RGS5: variants seen among roughly 807,000 people sequenced by gnomAD.
RGS5 encodes the protein regulator of G protein signaling 5, also known as regulator of G-protein signalling 5.
RGS5 carries 20 observed loss-of-function variants against 18.9 expected under a neutral mutation model. The ratio of observed to expected loss-of-function variants is 1.06; its 90% CI spans 0.74 to 1.54. RGS5 has a LOEUF of 1.54. Ranked by LOEUF, RGS5 falls within the 40% of genes most tolerant of loss-of-function variation. The pLI, the probability that RGS5 is intolerant of heterozygous loss-of-function variation, is 0.00. For missense variants in RGS5, 201 were observed against 211.8 expected, an observed-to-expected ratio of 0.95 and a Z score of 0.32; for synonymous variants, 57 against 76.2, an observed-to-expected ratio of 0.75 and a Z score of 1.31.
At chr1:163,150,882 T>A in intron 4 of RGS5, among the ~76,000 whole-genome samples, 1 of 152,178 alleles carries the variant, frequency 6.6e-6, no homozygotes, top group East Asian at 1.9e-4. Context: ...GTCTAGAGCA[T>A]CTGTGGTAGA....
At chr1:163,210,983 T>C (rs543415300) in intron 1 of RGS5, 3 of 152,336 alleles carry the variant, frequency 2.0e-5, no homozygotes, top group East Asian at 3.9e-4. Flanking sequence ...ATCTGGATTA[T>C]GCATATGGAA....
intron 2 of RGS5, chr1:163,238,973 A>AC (rs1647711576): frequency 4.6e-6 from 1 of 215,132 alleles, no homozygotes; most frequent in African/African-American, 2.3e-5. Context: ...TTGAAACTCT[A>AC]TCAAGACTTC....
chr1:163,213,508 A>C (rs902093641), intron 1 of RGS5, among the ~76,000 whole-genome samples: 1 of 152,166 alleles, frequency 6.6e-6, no homozygotes, highest in Non-Finnish European at 1.5e-5. Flanking sequence ...GGCAGCAAGC[A>C]TGGAGGCAAA....
At chr1:163,210,067 A>G (rs548284657) in intron 1 of RGS5, among the ~76,000 whole-genome samples, 1 of 151,746 alleles carries the variant, frequency 6.6e-6, no homozygotes. Context: ...TCAGCTCACT[A>G]TAACCTCTGC....
At chr1:163,275,927 A>G (rs1648840645) in intron 2 of RGS5, among the ~76,000 whole-genome samples, 1 of 152,140 alleles carries the variant, frequency 6.6e-6, no homozygotes, top group Non-Finnish European at 1.5e-5. Flanking sequence ...CAAATCCTCC[A>G]AATCAAGAAT....
chr1:163,260,335 T>C (rs1648395701), intron 2 of RGS5: 1 of 152,210 alleles, frequency 6.6e-6, no homozygotes, highest in Admixed American at 6.5e-5. Flanking sequence ...TTTGGCTTTC[T>C]TTAGAAAATG....
chr1:163,169,637 GT>G (rs1249372001), intron 1 of RGS5, among the ~76,000 whole-genome samples: 3 of 152,016 alleles, frequency 2.0e-5, no homozygotes, highest in African/African-American at 4.8e-5. Context: ...TTTTTCATGT[GT>G]TTTTTGGCTG....
At chr1:163,313,299 T>C (rs1213613193) in intron 1 of RGS5, among the ~76,000 whole-genome samples, 1 of 152,224 alleles carries the variant, frequency 6.6e-6, no homozygotes. Flanking sequence ...TAGTTAATAC[T>C]AACTCTAGGA....
At chr1:163,171,190 A>G (rs919044082) in intron 1 of RGS5, among the ~76,000 whole-genome samples, 1 of 152,198 alleles carries the variant, frequency 6.6e-6, no homozygotes, top group Non-Finnish European at 1.5e-5. Flanking sequence ...CTCTGGGGAC[A>G]AGAATTGCCA....
At chr1:163,242,334 C>T (rs1240625292) in intron 2 of RGS5, among the ~76,000 whole-genome samples, 1 of 152,242 alleles carries the variant, frequency 6.6e-6, no homozygotes, top group Non-Finnish European at 1.5e-5. Flanking sequence ...TGAATATTTG[C>T]TTCAAGTTAA....
intron 1 of RGS5, among the ~76,000 whole-genome samples, chr1:163,307,124 G>A (rs962257951): frequency 2.0e-5 from 3 of 152,110 alleles, no homozygotes; most frequent in African/African-American, 7.2e-5. Flanking sequence ...TGAAACAGAG[G>A]GAAGACCTAC....
chr1:163,147,279 G>A lies in RGS5; in HGVS notation c.*63C>T. 6.8e-7 allele frequency: 1 copy of A among 1,480,402 alleles called. No homozygotes were observed. Among genetic ancestry groups the A allele is most frequent in the Middle Eastern group, 1.8e-4 (1 of 5,548 alleles). The allele number at this position is 1,480,402 out of a possible 1,614,324, so 91.7% of individuals were successfully genotyped here. A position where few individuals can be genotyped will look rare whatever the true frequency, so the allele number is the denominator to read the frequency against. ...CTGTGGGAAGATATGTAGATTAATG[G>A]GAAATGCAGGGTTATTATGGAGGAA... On this transcript the variant is annotated 3_prime_UTR_variant, in exon 5 of 5. Transcript: ENST00000313961.
At chr1:163,234,227 CCTCT>C (rs1240320425) in intron 2 of RGS5, among the ~76,000 whole-genome samples, 2 of 151,974 alleles carry the variant, frequency 1.3e-5, no homozygotes, top group African/African-American at 2.4e-5. Flanking sequence ...AGATAAAATT[CCTCT>C]CTATTTCTAT....
intron 1 of RGS5, among the ~76,000 whole-genome samples, chr1:163,315,599 A>G (rs774698108): frequency 1.3e-5 from 2 of 152,214 alleles, no homozygotes; most frequent in Non-Finnish European, 2.9e-5. Flanking sequence ...AGAGCTCATC[A>G]CAAATTAGCA....
chr1:163,208,898 T>C (rs949190801), intron 1 of RGS5, among the ~76,000 whole-genome samples: 3 of 151,988 alleles, frequency 2.0e-5, no homozygotes, highest in Non-Finnish European at 4.4e-5. Flanking sequence ...ATAAGTATTA[T>C]GGTCAAACAC....
At chr1:163,287,964 T>C (rs991149194) in intron 2 of RGS5, among the ~76,000 whole-genome samples, 27 of 152,222 alleles carry the variant, frequency 1.8e-4, no homozygotes, top group Non-Finnish European at 1.8e-4. Context: ...TAGTCTGTCA[T>C]TGTAACTTGG....
intron 2 of RGS5, among the ~76,000 whole-genome samples, chr1:163,288,893 A>G (rs977507997): frequency 6.6e-6 from 1 of 152,216 alleles, no homozygotes; most frequent in East Asian, 1.9e-4. Context: ...TCAATTAGAA[A>G]CCTAAAAGTA....
At chr1:163,148,016 C>A (rs1029995524) in intron 4 of RGS5, among the ~76,000 whole-genome samples, 22 of 148,492 alleles carry the variant, frequency 1.5e-4, no homozygotes, top group African/African-American at 5.3e-4. Flanking sequence ...CAACCTCTGC[C>A]TTCCGGGTTC....
At chr1:163,148,678 A>G (rs1657254761) in intron 4 of RGS5, among the ~76,000 whole-genome samples, 1 of 152,182 alleles carries the variant, frequency 6.6e-6, no homozygotes. Context: ...TGTGGCTTAC[A>G]TGTCCTGAGT....
Sources: allele counts gnomAD v4.1 joint callset (sites outside exome capture counted in the v4.1 genomes callset), GRCh38; gene constraint gnomAD v4.1.1; transcripts MANE v1.5; gene names NCBI Gene and HGNC (gene_info 2026-07-23, HGNC 2026-07-21).